Variants in CNTN5 observed in about 807,000 individuals in gnomAD.
CNTN5 encodes the protein contactin 5, also known as contactin-5.
A neutral mutation model predicts 129.1 loss-of-function variants in CNTN5; 77 were observed. That is an observed-to-expected ratio of 0.60 (90% CI 0.50 to 0.72). CNTN5 has a LOEUF of 0.72. CNTN5 is among the 30% of genes least tolerant of loss of function. CNTN5 has a pLI of 0.00. For synonymous variants in CNTN5, 509 were observed against 465.6 expected (o/e 1.09, Z -1.20); for missense variants, 1,478 against 1,328.8 (o/e 1.11, Z -1.75).
chr11:99,464,277 T>A (rs1471521340), intron 2 of CNTN5, among the ~76,000 whole-genome samples: 1 of 152,152 alleles, frequency 6.6e-6, no homozygotes, highest in African/African-American at 2.4e-5. Context: ...AAACAGCTGT[T>A]CCATCCAGGG....
chr11:99,402,306 T>C (rs1941854618), intron 2 of CNTN5, among the ~76,000 whole-genome samples: 1 of 152,190 alleles, frequency 6.6e-6, no homozygotes, highest in Non-Finnish European at 1.5e-5. Flanking sequence ...CAAATGCTTT[T>C]TATAGTACCA....
At chr11:99,583,495 T>C (rs2135631059) in intron 3 of CNTN5, among the ~76,000 whole-genome samples, 1 of 152,282 alleles carries the variant, frequency 6.6e-6, no homozygotes, top group East Asian at 1.9e-4. Flanking sequence ...TCCCATCCGC[T>C]TTGTTTACCT....
intron 1 of CNTN5, among the ~76,000 whole-genome samples, chr11:99,142,952 C>G: frequency 6.6e-6 from 1 of 152,130 alleles, no homozygotes; most frequent in East Asian, 1.9e-4. Flanking sequence ...GCTCAGCAGC[C>G]CCATGTTCCC....
At chr11:99,580,528 G>A (rs920509992) in intron 3 of CNTN5, among the ~76,000 whole-genome samples, 2 of 152,138 alleles carry the variant, frequency 1.3e-5, no homozygotes, top group Admixed American at 1.3e-4. Context: ...GGTCTATTCA[G>A]ATATTCAACT....
chr11:99,091,674 G>T (rs185798203), intron 1 of CNTN5, among the ~76,000 whole-genome samples: 1 of 152,288 alleles, frequency 6.6e-6, no homozygotes, highest in Non-Finnish European at 1.5e-5. Flanking sequence ...TTAGAGCAGA[G>T]GAAGGGAACT....
At chr11:99,904,506 G>A (rs998711229) in intron 6 of CNTN5, among the ~76,000 whole-genome samples, 1 of 152,084 alleles carries the variant, frequency 6.6e-6, no homozygotes, top group Non-Finnish European at 1.5e-5. Context: ...ATTCCATGGG[G>A]TATATGTGCC....
chr11:99,790,594 C>G (rs1358397296), intron 3 of CNTN5, among the ~76,000 whole-genome samples: 2 of 152,070 alleles, frequency 1.3e-5, no homozygotes, highest in East Asian at 3.8e-4. Context: ...TAGGTTGACT[C>G]CGTGTCTTTA....
intron 9 of CNTN5, among the ~76,000 whole-genome samples, chr11:100,011,277 A>G (rs564231061): frequency 2.6e-5 from 4 of 152,226 alleles, no homozygotes; most frequent in African/African-American, 9.6e-5. Flanking sequence ...CTAGCCTCCA[A>G]CAGAAACAGA....
intron 7 of CNTN5, among the ~76,000 whole-genome samples, chr11:99,938,487 G>A (rs1950364203): frequency 6.6e-6 from 1 of 152,024 alleles, no homozygotes; most frequent in South Asian, 2.1e-4. Flanking sequence ...TCTACCCAGG[G>A]AATCATGGCA....
intron 2 of CNTN5, among the ~76,000 whole-genome samples, chr11:99,348,339 C>A (rs189292466): frequency 2.0e-5 from 3 of 152,162 alleles, no homozygotes; most frequent in Admixed American, 2.0e-4. Flanking sequence ...ACTCCGTCCC[C>A]CCCAAAAAAA....
chr11:99,834,705 G>A (rs1196692955), intron 4 of CNTN5, among the ~76,000 whole-genome samples: 10 of 152,104 alleles, frequency 6.6e-5, no homozygotes. Context: ...TGGATGTAAG[G>A]TACTTTTTCT....
At chr11:99,479,310 A>G (rs1037668851) in intron 2 of CNTN5, among the ~76,000 whole-genome samples, 2 of 151,968 alleles carry the variant, frequency 1.3e-5, no homozygotes, top group Admixed American at 6.6e-5. Context: ...TTATTATGAA[A>G]GATAATTTAA....
In CNTN5 at chr11:100,340,605, A is replaced by G; in HGVS notation, c.2873A>G (p.Tyr958Cys). 6.2e-7 allele frequency: 1 copy of G among 1,613,090 alleles called. No homozygotes were observed. Among genetic ancestry groups the G allele is most frequent in the Non-Finnish European group, 8.5e-7 (1 of 1,179,502 alleles). The change falls in exon 22 of 25, where the codon TAT becomes TGT. Residue 958 changes from tyrosine (Y) to cysteine (C), a missense_variant. Tyr to Cys is a radical substitution (Grantham distance 194, BLOSUM62 -2). Transcript: ENST00000524871. ...FTVRAYNGAG[Y>C]GPPSSEVSAT... ...GTGAGGGCTTACAATGGAGCTGGATATGGGCCACCTAGCAGTGAAGTGAGT... is the reference window on the plus strand; with the variant it reads ...GTGAGGGCTTACAATGGAGCTGGATGTGGGCCACCTAGCAGTGAAGTGAGT...
At chr11:99,465,976 G>A (rs1944922912) in intron 2 of CNTN5, among the ~76,000 whole-genome samples, 1 of 151,182 alleles carries the variant, frequency 6.6e-6, no homozygotes, top group South Asian at 2.1e-4. Context: ...CCGCCTCCTG[G>A]GTTCACGCCA....
intron 21 of CNTN5, among the ~76,000 whole-genome samples, chr11:100,319,159 T>C (rs867287430): frequency 3.2e-4 from 48 of 150,190 alleles, no homozygotes; most frequent in African/African-American, 1.0e-3. Context: ...TTTTCTTTTT[T>C]TTTTTTTTTT....
chr11:100,231,929 A>G (rs1243267054), intron 16 of CNTN5, among the ~76,000 whole-genome samples: 1 of 152,140 alleles, frequency 6.6e-6, no homozygotes, highest in South Asian at 2.1e-4. Context: ...CAAGGTGGGC[A>G]GATCACTTGA....
intron 13 of CNTN5, among the ~76,000 whole-genome samples, chr11:100,105,812 G>C (rs563013703): frequency 1.1e-4 from 16 of 152,202 alleles, no homozygotes; most frequent in African/African-American, 3.9e-4. Context: ...TCCAGGCAGT[G>C]CCCAAGGCTC....
At chr11:99,550,932 G>T (rs1948459780) in intron 2 of CNTN5, among the ~76,000 whole-genome samples, 1 of 152,126 alleles carries the variant, frequency 6.6e-6, no homozygotes, top group African/African-American at 2.4e-5. Context: ...AGTACCAAGA[G>T]TAAGAGCATT....
At chr11:100,316,200 A>G (rs1951569448) in intron 21 of CNTN5, among the ~76,000 whole-genome samples, 1 of 152,188 alleles carries the variant, frequency 6.6e-6, no homozygotes, top group Non-Finnish European at 1.5e-5. Context: ...AAATTTCATA[A>G]TCATTTCTGT....
Sources: allele counts gnomAD v4.1 joint callset (sites outside exome capture counted in the v4.1 genomes callset), GRCh38; gene constraint gnomAD v4.1.1; transcripts MANE v1.5; gene names NCBI Gene and HGNC (gene_info 2026-07-23, HGNC 2026-07-21).